The following SOX6 variants were observed in gnomAD, a reference collection of about 807,000 sequenced individuals.
SOX6 encodes transcription factor SOX-6.
In SOX6, 11 loss-of-function variants were observed where a neutral mutation model predicts 97.8. The ratio of observed to expected loss-of-function variants is 0.11; its 90% CI spans 0.07 to 0.19. The LOEUF (loss-of-function observed/expected upper bound fraction) is 0.19. Among genes scored for constraint, SOX6 ranks in the 10% least tolerant of loss-of-function variants. The probability of loss-of-function intolerance (pLI) is 1.00; values close to 1 mark genes in which losing one functional copy is unlikely to be tolerated. For synonymous variants in SOX6, 360 were observed against 371.4 expected (o/e 0.97, Z 0.35); for missense variants, 810 against 1,039.5 (o/e 0.78, Z 3.04).
chr11:16,165,515 T>C (rs1564993478), intron 6 of SOX6, among the ~76,000 whole-genome samples: 1 of 152,178 alleles, frequency 6.6e-6, no homozygotes, highest in Non-Finnish European at 1.5e-5. Flanking sequence ...AAAAACTATA[T>C]CCCTTACTAT....
intron 9 of SOX6, among the ~76,000 whole-genome samples, chr11:16,089,418 A>G (rs1438175990): frequency 6.6e-6 from 1 of 152,152 alleles, no homozygotes; most frequent in East Asian, 1.9e-4. Context: ...TACTACCCAC[A>G]TAGCACCTGA....
At chr11:16,253,722 A>G (rs1175945821) in intron 3 of SOX6, among the ~76,000 whole-genome samples, 1 of 152,072 alleles carries the variant, frequency 6.6e-6, no homozygotes, top group African/African-American at 2.4e-5. Flanking sequence ...TAACTGTGGA[A>G]CAACTACAAA....
intron 1 of SOX6, among the ~76,000 whole-genome samples, chr11:16,392,914 A>C (rs1008173324): frequency 2.0e-5 from 3 of 152,098 alleles, no homozygotes; most frequent in Non-Finnish European, 4.4e-5. Context: ...CTCACAGAGG[A>C]CATCTTCTCA....
Position 16,605,170 on chromosome 11 carries a change from C to T in SOX6, n.609+6911G>A, listed in dbSNP as rs528591324. On this transcript the variant is annotated intron_variant and non_coding_transcript_variant, in intron 4 of 5. Transcript: ENST00000524520. This position sits in a 1 kb window ranked among gnomAD's most constrained non-coding sequence, Gnocchi z 5.3. Reference sequence around the variant, plus strand: ...GACCGCGGCCCCGGCTGCAGAGGAACGGCGGGTGGCGGGGCCCCGGCAGGG... The same window carrying T: ...GACCGCGGCCCCGGCTGCAGAGGAATGGCGGGTGGCGGGGCCCCGGCAGGG... 1.3e-5 allele frequency among the ~76,000 whole-genome samples: 2 copies of T among 151,894 alleles called. No individual in the cohort carries two copies. Among genetic ancestry groups the T allele is most frequent in the African/African-American group, 2.4e-5 (1 of 41,390 alleles).
At position 16,055,750 on chromosome 11, in the gene SOX6, A is replaced by G; in HGVS notation, c.1251+2T>C. Reference sequence around the variant, plus strand: ...TTCCACAATGCTGCAAGGCGAGTGTACCTTAACTTGAGTTACAGGGCTGGT... The same window carrying G: ...TTCCACAATGCTGCAAGGCGAGTGTGCCTTAACTTGAGTTACAGGGCTGGT... On this transcript the variant is annotated splice_donor_variant, in intron 10 of 15. Coordinates refer to ENST00000683767, the MANE Select transcript of SOX6 (RefSeq NM_001367873.1). LOFTEE classifies it high-confidence loss of function. 6.2e-7 allele frequency: 1 copy of G among 1,613,520 alleles called. No homozygotes were observed. The highest frequency in any genetic ancestry group is 8.5e-7 in the Non-Finnish European group (1 of 1,179,696).
At chr11:16,170,080 G>A (rs920318939) in intron 6 of SOX6, among the ~76,000 whole-genome samples, 7 of 152,070 alleles carry the variant, frequency 4.6e-5, no homozygotes, top group African/African-American at 1.4e-4. Flanking sequence ...CTCCAGTCCT[G>A]GCTGTCTTTG....
At chr11:16,505,534 GA>G (rs980625954) in intron 4 of SOX6, among the ~76,000 whole-genome samples, 3 of 151,784 alleles carry the variant, frequency 2.0e-5, no homozygotes, top group Non-Finnish European at 4.4e-5. Context: ...TGGTAGAAAA[GA>G]AAAAAAACAT....
intron 1 of SOX6, among the ~76,000 whole-genome samples, chr11:16,420,590 T>C (rs1859002821): frequency 6.6e-6 from 1 of 152,148 alleles, no homozygotes. Context: ...AGATAAAAAG[T>C]AGGATTGTTA....
At chr11:16,015,206 AG>A in intron 12 of SOX6, 156 bp from the exon 13 acceptor site, 1 of 712,618 alleles carries the variant, frequency 1.4e-6, no homozygotes, top group Non-Finnish European at 2.4e-6. Flanking sequence ...TTCCGTTGAA[AG>A]CTGTTTGTGA....
chr11:16,186,712 T>G, intron 5 of SOX6, 71 bp downstream of exon 5: 1 of 1,501,030 alleles, frequency 6.7e-7, no homozygotes, highest in Non-Finnish European at 9.3e-7. Context: ...AATAAGCCAA[T>G]CAATTTGATT....
intron 1 of SOX6, among the ~76,000 whole-genome samples, chr11:16,402,008 A>G (rs764324761): frequency 1.6e-4 from 24 of 151,612 alleles, no homozygotes; most frequent in Non-Finnish European, 1.8e-4. Flanking sequence ...ACCACCAACA[A>G]CAACCCTAAA....
At chr11:16,029,892 C>T (rs147575987) in intron 12 of SOX6, among the ~76,000 whole-genome samples, 1 of 152,212 alleles carries the variant, frequency 6.6e-6, no homozygotes, top group Admixed American at 6.5e-5. Flanking sequence ...AACTCTACTG[C>T]ATATATTTGA....
intron 12 of SOX6, among the ~76,000 whole-genome samples, chr11:16,040,076 T>C (rs1259606134): frequency 6.6e-6 from 1 of 152,048 alleles, no homozygotes; most frequent in Non-Finnish European, 1.5e-5. Context: ...TCACAGAATG[T>C]ATGCAACATT....
chr11:16,061,001 T>C (rs1002825641), intron 9 of SOX6, among the ~76,000 whole-genome samples: 3 of 151,714 alleles, frequency 2.0e-5, no homozygotes, highest in Admixed American at 6.6e-5. Context: ...AATCATTGCA[T>C]ATTAGGAAGG....
chr11:16,369,185 C>A (rs532183672), intron 1 of SOX6, among the ~76,000 whole-genome samples: 1 of 152,128 alleles, frequency 6.6e-6, no homozygotes, highest in African/African-American at 2.4e-5. Context: ...GATACCACTT[C>A]ATGTCCATTA....
chr11:16,032,379 A>G (rs1334959748), intron 12 of SOX6, among the ~76,000 whole-genome samples: 1 of 152,184 alleles, frequency 6.6e-6, no homozygotes, highest in Non-Finnish European at 1.5e-5. Context: ...TGAACATCAA[A>G]TGTGATTTTT....
intron 3 of SOX6, among the ~76,000 whole-genome samples, chr11:16,238,396 T>C (rs928397174): frequency 2.6e-5 from 4 of 152,094 alleles, no homozygotes; most frequent in African/African-American, 9.7e-5. Context: ...TCCTAAGTAC[T>C]TAGGTTTCGG....
At chr11:16,478,223 C>T (rs1306259559), upstream of SOX6, among the ~76,000 whole-genome samples, 2 of 152,136 alleles carry the variant, frequency 1.3e-5, no homozygotes, top group Non-Finnish European at 2.9e-5. Context: ...TTTTAAAATA[C>T]CACACCTTGT....
intron 13 of SOX6, among the ~76,000 whole-genome samples, chr11:16,000,050 A>G (rs1854356943): frequency 6.6e-6 from 1 of 152,204 alleles, no homozygotes; most frequent in Non-Finnish European, 1.5e-5. Flanking sequence ...CAGAGGTCCA[A>G]TTCATTGTGT....
Sources: allele counts gnomAD v4.1 joint callset (sites outside exome capture counted in the v4.1 genomes callset), GRCh38; gene constraint gnomAD v4.1.1; non-coding constraint Gnocchi (gnomAD v3.1); transcripts MANE v1.5; gene names NCBI Gene and HGNC (gene_info 2026-07-23, HGNC 2026-07-21).